Variants in SSB observed in about 807,000 individuals in gnomAD.
The protein encoded by SSB is small RNA binding exonuclease protection factor La.
Under a neutral mutation model 52.9 loss-of-function variants are expected in SSB, and 17 were observed. The ratio of observed to expected loss-of-function variants is 0.32; its 90% confidence interval spans 0.22 to 0.48. SSB has a LOEUF of 0.48. Ranked by LOEUF, SSB falls within the 20% of genes least tolerant of loss-of-function variation. SSB has a pLI of 0.99. For missense variants in SSB, 314 were observed against 463.6 expected, an observed-to-expected ratio of 0.68 and a Z score of 2.96; for synonymous variants, 111 against 152.1, an observed-to-expected ratio of 0.73 and a Z score of 1.99.
At position 169,808,920 on chromosome 2, in the gene SSB, C is replaced by T. The variant is rs1689886471; in HGVS notation, c.669+18C>T. Reference sequence around the variant, plus strand: ...CTGAAATGGTAAGTATATATTACTGCTATCTAGTACATCTGTAATTCGAAG... The same window carrying T: ...CTGAAATGGTAAGTATATATTACTGTTATCTAGTACATCTGTAATTCGAAG... On this transcript the variant is annotated intron_variant, in intron 8 of 11. Coordinates refer to ENST00000260956, the MANE Select transcript of SSB (RefSeq NM_003142.5). 4 of 1,584,718 alleles carry T rather than the reference C, an allele frequency of 2.5e-6. No individual in the cohort carries two copies. The highest frequency in any genetic ancestry group is 3.5e-6 in the Non-Finnish European group (4 of 1,154,058).
intron 2 of SSB, among the ~76,000 whole-genome samples, chr2:169,805,227 T>C (rs930045119): frequency 2.7e-4 from 41 of 152,256 alleles, no homozygotes; most frequent in African/African-American, 9.6e-4. Flanking sequence ...CCTTTTCATA[T>C]AATCTTTAAA....
At chr2:169,811,092 T>TACTTGAGCAAAAACTTTA in intron 10 of SSB, 48 bp downstream of exon 10, 1 of 1,593,650 alleles carries the variant, frequency 6.3e-7, no homozygotes, top group Non-Finnish European at 8.5e-7. Context: ...TGAACCCATT[T>TACTTGAGCAAAAACTTTA]ACTTGAGCAA....
intron 8 of SSB, among the ~76,000 whole-genome samples, chr2:169,809,709 T>A (rs1379955658): frequency 6.6e-6 from 1 of 151,958 alleles, no homozygotes; most frequent in Non-Finnish European, 1.5e-5. Context: ...ACCTCCCAGA[T>A]TCATGCCATT....
chr2:169,807,025 A>T lies in SSB; in HGVS notation c.508A>T (p.Thr170Ser), dbSNP rs1689843879. ...SIESAKKFVETPGQKYKETDL... is the reference protein window; with the variant it reads ...SIESAKKFVESPGQKYKETDL... ...TGAATCTGCTAAGAAATTTGTAGAGACCCCTGGCCAGAAGTACAAAGAAAC... is the reference window on the plus strand; with the variant it reads ...TGAATCTGCTAAGAAATTTGTAGAGTCCCCTGGCCAGAAGTACAAAGAAAC... The change falls in exon 6 of 12, where the codon ACC (threonine) becomes TCC (serine). Residue 170 changes from threonine to serine, a missense_variant. Thr to Ser is a moderately conservative substitution (Grantham distance 58, BLOSUM62 1). Coordinates refer to ENST00000260956, the MANE Select transcript of SSB (RefSeq NM_003142.5). 6.2e-7 allele frequency: 1 copy of T among 1,613,758 alleles called. No homozygotes were observed. The highest frequency in any genetic ancestry group is 1.3e-5 in the African/African-American group (1 of 74,870).
At chr2:169,801,509 G>GTTTTTTTTTT (rs79940369) in intron 2 of SSB, among the ~76,000 whole-genome samples, 5 of 73,678 alleles carry the variant, frequency 6.8e-5, no homozygotes, top group African/African-American at 1.0e-4. Context: ...CTTTAATATA[G>GTTTTTTTTTT]TTTTTTTTTT....
intron 8 of SSB, among the ~76,000 whole-genome samples, chr2:169,809,145 C>G (rs1401227624): frequency 6.6e-6 from 1 of 152,222 alleles, no homozygotes; most frequent in Non-Finnish European, 1.5e-5. Flanking sequence ...CTTTGGAAGG[C>G]CGAGGCGGGC....
At chr2:169,802,976 A>G (rs555923914) in intron 2 of SSB, among the ~76,000 whole-genome samples, 1 of 152,304 alleles carries the variant, frequency 6.6e-6, no homozygotes, top group Non-Finnish European at 1.5e-5. Context: ...CTTATATATA[A>G]ATCTTAGTAA....
In SSB at chr2:169,811,721, C is replaced by A; in HGVS notation, c.1192C>A (p.Gln398Lys). ...AGACAAAGAAGAACCTGCATCCAAA[C>A]AACAGAAAACAGAAAATGGTGCTGG... ...ETDKEEPASK[Q>K]QKTENGAGDQ Residue 398 changes from glutamine (Q) to lysine (K), a missense_variant, in exon 12 of 12, where the codon CAA (glutamine) becomes AAA (lysine). Coordinates refer to ENST00000260956, the MANE Select transcript of SSB (RefSeq NM_003142.5). 6.2e-7 allele frequency: 1 copy of A among 1,613,446 alleles called. No individual in the cohort carries two copies.
intron 2 of SSB, among the ~76,000 whole-genome samples, chr2:169,802,455 A>G (rs1341947156): frequency 6.6e-6 from 1 of 151,412 alleles, no homozygotes; most frequent in Non-Finnish European, 1.5e-5. Flanking sequence ...TGCATTTAAA[A>G]TGTCTCATGT....
At chr2:169,803,549 C>T (rs1689754685) in intron 2 of SSB, among the ~76,000 whole-genome samples, 1 of 151,958 alleles carries the variant, frequency 6.6e-6, no homozygotes, top group African/African-American at 2.4e-5. Context: ...TGCGCTTGGC[C>T]TATTTTTTAT....
chr2:169,807,834 A>T (rs1689860112), intron 6 of SSB, among the ~76,000 whole-genome samples: 1 of 137,186 alleles, frequency 7.3e-6, no homozygotes, highest in Admixed American at 8.3e-5. Flanking sequence ...AAAAATGGGG[A>T]TGAACCAGAG....
At chr2:169,802,913 A>G (rs1432923002) in intron 2 of SSB, among the ~76,000 whole-genome samples, 1 of 152,176 alleles carries the variant, frequency 6.6e-6, no homozygotes, top group Admixed American at 6.5e-5. Flanking sequence ...CTCCTCTTTA[A>G]TATGAAGGAT....
intron 7 of SSB, 49 bp downstream of exon 7, chr2:169,808,602 T>G (rs767459161): frequency 2.0e-6 from 3 of 1,482,194 alleles, no homozygotes; most frequent in South Asian, 1.1e-5. Context: ...CTTAAAGCTC[T>G]GACAGAAATA....
At chr2:169,807,733 A>ATT (rs1689856822) in intron 6 of SSB, among the ~76,000 whole-genome samples, 1 of 69,524 alleles carries the variant, frequency 1.4e-5, no homozygotes, top group South Asian at 4.1e-4. Flanking sequence ...CATAGCCTAT[A>ATT]TGTCTTTTTT....
At position 169,811,863 on chromosome 2, in the gene SSB, G is replaced by T; in HGVS notation, c.*107G>T. 1.2e-6 allele frequency: 2 copies of T among 1,612,214 alleles called. No individual in the cohort carries two copies. The highest frequency in any genetic ancestry group is 2.2e-5 in the South Asian group (2 of 90,310). ...TAGGTCCACTTCAATGTCCACCTGT[G>T]AGAAAGGAAAAATTTTTTTGTTGTT... On this transcript the variant is annotated 3_prime_UTR_variant, in exon 12 of 12. Coordinates refer to ENST00000260956, the MANE Select transcript of SSB (RefSeq NM_003142.5).
rs768786924 is a variant in SSB, at chr2:169,811,762, T to TA, written c.*9dup. On this transcript the variant is annotated 3_prime_UTR_variant, in exon 12 of 12. Transcript: ENST00000260956. ...ATGGTGCTGGAGACCAGTAGTTTAG[T>TA]AAACCAATTTTTTATTCATTTTAAA... is the stretch of plus-strand genomic sequence containing the variant. The TA allele has an allele frequency of 1.2e-6, 2 of 1,613,090 alleles. No homozygotes were observed. Among genetic ancestry groups the TA allele is most frequent in the South Asian group, 2.2e-5 (2 of 90,772 alleles).
At position 169,805,501 on chromosome 2, in the gene SSB, C is replaced by T. The variant is rs566356422; in HGVS notation, c.94C>T (p.Arg32Trp). ...EYYFGDFNLP[R>W]DKFLKEQIKL... ...TTATTTTGGCGACTTCAATTTGCCACGGGACAAGTTTCTAAAGGAACAGAT... is the reference window on the plus strand; with the variant it reads ...TTATTTTGGCGACTTCAATTTGCCATGGGACAAGTTTCTAAAGGAACAGAT... Residue 32 changes from arginine to tryptophan, a missense_variant, in exon 3 of 12, where the codon CGG (arginine) becomes TGG (tryptophan). By Grantham distance (101) the Arg-to-Trp change is moderately radical. Coordinates refer to ENST00000260956, the MANE Select transcript of SSB (RefSeq NM_003142.5). 32 of 1,613,254 alleles carry T rather than the reference C, an allele frequency of 2.0e-5. No individual in the cohort carries two copies. The highest frequency in any genetic ancestry group is 2.3e-5 in the Non-Finnish European group (27 of 1,179,928).
chr2:169,800,123 GT>G (rs1195215156), intron 1 of SSB, among the ~76,000 whole-genome samples: 2 of 152,102 alleles, frequency 1.3e-5, no homozygotes, highest in Non-Finnish European at 2.9e-5. Flanking sequence ...TCCCATTTTT[GT>G]TTTCGTATGT....
Position 169,810,860 on chromosome 2 carries a change from G to A in SSB, c.813G>A (p.Gly271=), listed in dbSNP as rs774790209. The part of the protein sequence containing the change: ...WIDFVRGAKE[G]IILFKEKAKE... ...TTTGTTTTCTGTCTCTGGTATAGGG[G>A]ATAATTCTATTTAAAGAAAAAGCCA... Residue 271 remains glycine, a splice_region_variant and synonymous_variant, in exon 10 of 12, where the codon GGG becomes GGA. Coordinates refer to ENST00000260956, the MANE Select transcript of SSB (RefSeq NM_003142.5). 21 of 1,605,428 alleles carry A rather than the reference G, an allele frequency of 1.3e-5. No individual in the cohort carries two copies. The highest frequency in any genetic ancestry group is 5.2e-5 in the Admixed American group (3 of 57,756).
Sources: gnomAD v4.1 joint callset for allele counts (sites outside exome capture counted in the v4.1 genomes callset) on GRCh38, gnomAD v4.1.1 for gene constraint, MANE v1.5 for transcripts, NCBI Gene and HGNC (gene_info 2026-07-23, HGNC 2026-07-21) for gene names.